MKX: variants seen among roughly 807,000 people sequenced by gnomAD.
MKX encodes the protein mohawk homeobox, also known as homeobox protein Mohawk.
MKX carries 13 observed loss-of-function variants against 36.0 expected under a neutral mutation model. That is an observed-to-expected ratio of 0.36 (90% CI 0.24 to 0.57). MKX has a LOEUF of 0.57. Ranked by LOEUF, MKX falls within the 20% of genes least tolerant of loss-of-function variation. MKX has a pLI of 0.79. For missense variants in MKX, 458 were observed against 456.4 expected (o/e 1.00, Z -0.03); for synonymous variants, 176 against 178.3 (o/e 0.99, Z 0.10).
In MKX at chr10:27,675,512, T is replaced by C. The variant is rs1483090970; in HGVS notation, c.872+9A>G. 6.8e-6 allele frequency: 11 copies of C among 1,614,156 alleles called. No homozygotes were observed. Among genetic ancestry groups the C allele is most frequent in the Admixed American group, 1.7e-5 (1 of 60,012 alleles). ...AAGCAGGAACGGCCAATGGGAACATTTTGCTCACCTTTCACCCTTATTGGA... is the reference window on the plus strand; with the variant it reads ...AAGCAGGAACGGCCAATGGGAACATCTTGCTCACCTTTCACCCTTATTGGA... On this transcript the variant is annotated intron_variant, in intron 6 of 6. Coordinates refer to ENST00000419761, the MANE Select transcript of MKX (RefSeq NM_173576.3).
chr10:27,740,085 A>G (rs1163425690), intron 3 of MKX, among the ~76,000 whole-genome samples: 2 of 152,212 alleles, frequency 1.3e-5, no homozygotes, highest in Non-Finnish European at 2.9e-5. Context: ...ATGTTTTTGT[A>G]TATAATTATA....
chr10:27,694,042 G>GTGCCTTT (rs1290389990), intron 5 of MKX, among the ~76,000 whole-genome samples: 1 of 152,146 alleles, frequency 6.6e-6, no homozygotes, highest in Non-Finnish European at 1.5e-5. Context: ...CCATGAAAAT[G>GTGCCTTT]TGCCTTTTGC....
At chr10:27,694,248 A>G (rs1386758614) in intron 5 of MKX, among the ~76,000 whole-genome samples, 2 of 152,132 alleles carry the variant, frequency 1.3e-5, no homozygotes. Context: ...AAACAACAGA[A>G]ATAGAGGGAA....
intron 5 of MKX, among the ~76,000 whole-genome samples, chr10:27,713,956 C>T (rs1836917148): frequency 1.5e-5 from 2 of 136,448 alleles, no homozygotes; most frequent in Admixed American, 1.8e-4. Flanking sequence ...TGTGACTTTT[C>T]TTACTTCTCA....
At position 27,711,499 on chromosome 10, in the gene MKX, T is replaced by TCTTCCTTCCTTCCTTCC. The variant is rs1554772224; in HGVS notation, c.838+22956_838+22957insGGAAGGAAGGAAGGAAG. Among the ~76,000 whole-genome samples the TCTTCCTTCCTTCCTTCC allele has an allele frequency of 6.4e-5, 6 of 93,032 alleles. 1 individual carries two copies. The highest frequency in any genetic ancestry group is 3.1e-4 in the East Asian group (1 of 3,270). 61.0% of individuals were successfully genotyped at this position (93,032 alleles called of 152,430 possible). A position where few individuals can be genotyped will look rare whatever the true frequency, so the allele number is the denominator to read the frequency against. ...TCTTTCTTTCTCTCTCTCTCTCTTC[T>TCTTCCTTCCTTCCTTCC]TTCCTTCCTTCCTTCCTTCCTTCCT... On this transcript the variant is annotated intron_variant, in intron 5 of 6. Coordinates refer to ENST00000419761, the MANE Select transcript of MKX (RefSeq NM_173576.3).
intron 5 of MKX, among the ~76,000 whole-genome samples, chr10:27,724,791 A>ACACACACCCCC (rs775804611): frequency 6.8e-6 from 1 of 147,774 alleles, no homozygotes; most frequent in African/African-American, 2.5e-5. Context: ...ACACACACAC[A>ACACACACCCCC]CCCCGCAGAA....
At chr10:27,697,622 G>T (rs1836578859) in intron 5 of MKX, among the ~76,000 whole-genome samples, 2 of 152,196 alleles carry the variant, frequency 1.3e-5, no homozygotes, top group Non-Finnish European at 2.9e-5. Context: ...AACAGAATTT[G>T]CTCTTCTCCA....
chr10:27,710,665 TATTG>T (rs1315701874), intron 5 of MKX, among the ~76,000 whole-genome samples: 3 of 152,206 alleles, frequency 2.0e-5, no homozygotes, highest in African/African-American at 7.2e-5. Context: ...TATTTTTATT[TATTG>T]ATTGATTGAG....
Position 27,734,829 on chromosome 10 carries a change from A to C in MKX, c.503-38T>G, listed in dbSNP as rs925423954. 6 of 1,397,120 alleles carry C rather than the reference A, an allele frequency of 4.3e-6. No homozygotes were observed. The African/African-American group carries it at 8.7e-5, about 20-fold the overall frequency. The allele number at this position is 1,397,120 out of a possible 1,614,324, so 86.5% of individuals were successfully genotyped here. A position where few individuals can be genotyped will look rare whatever the true frequency, so the allele number is the denominator to read the frequency against. On this transcript the variant is annotated intron_variant, in intron 4 of 6. Coordinates refer to ENST00000419761, the MANE Select transcript of MKX (RefSeq NM_173576.3). ...AGTATCACTAAGTAGGGTGGTATGC[A>C]TACTTTCCCCCAGCCACCCAACTCT...
rs1385225329 is a variant in MKX, at chr10:27,741,873, T to TGGCCTGGCA, written c.189-378_189-370dup. On this transcript the variant is annotated intron_variant, in intron 2 of 6. Coordinates refer to ENST00000419761, the MANE Select transcript of MKX (RefSeq NM_173576.3). This position sits in a 1 kb window ranked among gnomAD's most constrained non-coding sequence, Gnocchi z 5.1. ...CTGGCGCCGCACCCTCGAGTGGCCCTGGCCTGGCAGGCCTGGCAGGGTATG... is the reference window on the plus strand; with the variant it reads ...CTGGCGCCGCACCCTCGAGTGGCCCTGGCCTGGCAGGCCTGGCAGGCCTGGCAGGGTATG... Among the ~76,000 whole-genome samples the TGGCCTGGCA allele has an allele frequency of 2.0e-5, 3 of 152,210 alleles. No homozygotes were observed. Among genetic ancestry groups the TGGCCTGGCA allele is most frequent in the Non-Finnish European group, 2.9e-5 (2 of 68,038 alleles).
intron 5 of MKX, among the ~76,000 whole-genome samples, chr10:27,702,785 G>A (rs528901129): frequency 2.1e-4 from 32 of 152,046 alleles, no homozygotes; most frequent in Non-Finnish European, 3.8e-4. Flanking sequence ...AAGTGGAGGG[G>A]TGGGCGGGGG....
chr10:27,711,507 C>CTTT (rs1836869557), intron 5 of MKX, among the ~76,000 whole-genome samples: 1 of 35,440 alleles, frequency 2.8e-5, no homozygotes, highest in African/African-American at 6.9e-5. Context: ...TCTTTCCTTC[C>CTTT]TTCCTTCCTT....
At chr10:27,729,324 C>G (rs1232892777) in intron 5 of MKX, among the ~76,000 whole-genome samples, 1 of 121,224 alleles carries the variant, frequency 8.2e-6, no homozygotes, top group Non-Finnish European at 1.6e-5. Context: ...GACAGAGTCT[C>G]ATTCTATTGC....
intron 5 of MKX, among the ~76,000 whole-genome samples, chr10:27,689,372 C>G (rs142427968): frequency 1.5e-3 from 228 of 152,304 alleles, no homozygotes; most frequent in African/African-American, 5.4e-3. Flanking sequence ...TTTAAATATG[C>G]TGCAATGTTC....
rs934650068 is a variant in MKX, at chr10:27,744,241, C to T, written c.-82-744G>A. ...AAGTGCATGGTCCTAAGGTCCAAGG[C>T]GCCAGGACCCAGGTCCCCAGAGCCC... On this transcript the variant is annotated intron_variant, in intron 1 of 6. Transcript: ENST00000419761. The surrounding 1 kb of genome is among the most constrained non-coding windows in gnomAD (Gnocchi z 5.6). 3.9e-5 allele frequency among the ~76,000 whole-genome samples: 6 copies of T among 152,142 alleles called. No individual in the cohort carries two copies. Among genetic ancestry groups the T allele is most frequent in the Admixed American group, 2.6e-4 (4 of 15,274 alleles).
At chr10:27,688,768 T>C (rs1836402206) in intron 5 of MKX, among the ~76,000 whole-genome samples, 1 of 152,202 alleles carries the variant, frequency 6.6e-6, no homozygotes, top group Non-Finnish European at 1.5e-5. Context: ...TCCCCACATC[T>C]TAATATTGAT....
intron 5 of MKX, among the ~76,000 whole-genome samples, chr10:27,676,374 C>CTTTTTTTT (rs1564340707): frequency 7.1e-6 from 1 of 141,790 alleles, no homozygotes; most frequent in African/African-American, 2.7e-5. Context: ...TTTCTTTTTT[C>CTTTTTTTT]TTTTTCTTTT....
intron 5 of MKX, among the ~76,000 whole-genome samples, chr10:27,681,702 T>C (rs1836257978): frequency 6.6e-6 from 1 of 152,022 alleles, no homozygotes; most frequent in South Asian, 2.1e-4. Context: ...GGGGAATCAC[T>C]TGAGGCCAGG....
intron 3 of MKX, among the ~76,000 whole-genome samples, 177 bp from the exon 4 acceptor site, chr10:27,735,551 C>A (rs1000278003): frequency 4.6e-5 from 7 of 152,124 alleles, no homozygotes; most frequent in Non-Finnish European, 7.4e-5. Context: ...TTGCTTACTA[C>A]AGACACTGAG....
Sources: allele counts gnomAD v4.1 joint callset (sites outside exome capture counted in the v4.1 genomes callset), GRCh38; gene constraint gnomAD v4.1.1; non-coding constraint Gnocchi (gnomAD v3.1); transcripts MANE v1.5; gene names NCBI Gene and HGNC (gene_info 2026-07-23, HGNC 2026-07-21).